The following NXPE2 variants were observed in gnomAD, a reference collection of about 807,000 sequenced individuals.
NXPE2 encodes the protein NXPE family member 2.
NXPE2 carries 34 observed loss-of-function variants against 34.4 expected under a neutral mutation model. The observed-to-expected ratio is 0.99, with a 90% CI of 0.75 to 1.31. The LOEUF is 1.31. Among genes scored for constraint, NXPE2 ranks in the 40% most tolerant of loss-of-function variants. The pLI is 0.00. For missense variants in NXPE2, 649 were observed against 672.5 expected, an observed-to-expected ratio of 0.97 and a Z score of 0.39; for synonymous variants, 235 against 231.3, an observed-to-expected ratio of 1.02 and a Z score of -0.15.
chr11:114,705,890 C>T lies in NXPE2; in HGVS notation c.1038C>T (p.Phe346=), dbSNP rs1245130324. 1 of 1,540,560 alleles carries T rather than the reference C, an allele frequency of 6.5e-7. No individual in the cohort carries two copies. Among genetic ancestry groups the T allele is most frequent in the African/African-American group, 1.4e-5 (1 of 72,508 alleles). ...CAGCATTTTGTAAACAGATCAAGTT[C>T]AATGAAACAAAAAATATAAATGACT... is the stretch of plus-strand genomic sequence containing the variant. The part of the protein sequence containing the change: ...WITAFCKQIK[F]NETKNINDCL... Residue 346 remains phenylalanine, a synonymous_variant, in exon 5 of 6, where the codon TTC becomes TTT. Coordinates refer to ENST00000389586, the MANE Select transcript of NXPE2 (RefSeq NM_182495.6).
chr11:114,669,587 C>A, the NXPE2 span, among the ~76,000 whole-genome samples: 12 of 152,046 alleles, frequency 7.9e-5, no homozygotes, highest in Non-Finnish European at 1.6e-4. Flanking sequence ...CTGAGAATAC[C>A]AAGCTCCAAT....
At chr11:114,627,164 G>C in the NXPE2 span, among the ~76,000 whole-genome samples, 5 of 152,018 alleles carry the variant, frequency 3.3e-5, no homozygotes, top group Non-Finnish European at 7.4e-5. Flanking sequence ...AGGAAATACA[G>C]AGAACGCCAC....
the NXPE2 span, among the ~76,000 whole-genome samples, chr11:114,495,055 C>T: frequency 3.9e-3 from 588 of 152,272 alleles, 9 homozygotes; most frequent in African/African-American, 0.013. Flanking sequence ...TTACTTTCAC[C>T]CAAGCGAACA....
chr11:114,630,127 C>T, the NXPE2 span, among the ~76,000 whole-genome samples: 4 of 151,724 alleles, frequency 2.6e-5, no homozygotes, highest in Non-Finnish European at 5.9e-5. Context: ...ATGCTGTACC[C>T]ATCAAGCTAC....
the NXPE2 span, among the ~76,000 whole-genome samples, chr11:114,578,494 G>T: frequency 1.3e-5 from 2 of 152,134 alleles, no homozygotes; most frequent in African/African-American, 4.8e-5. Context: ...GGTTTCCCTA[G>T]GAGTTTAGTC....
chr11:114,588,478 G>A, the NXPE2 span, among the ~76,000 whole-genome samples: 1 of 152,148 alleles, frequency 6.6e-6, no homozygotes, highest in African/African-American at 2.4e-5. Context: ...TGAAAAACAG[G>A]CAGCTCTGCA....
the NXPE2 span, among the ~76,000 whole-genome samples, chr11:114,738,993 T>A: frequency 6.6e-6 from 1 of 152,190 alleles, no homozygotes; most frequent in East Asian, 1.9e-4. Flanking sequence ...GACACAAGAA[T>A]GACAATGCAG....
the NXPE2 span, among the ~76,000 whole-genome samples, chr11:114,718,301 TTAAAG>T: frequency 6.6e-6 from 1 of 152,138 alleles, no homozygotes; most frequent in East Asian, 1.9e-4. Flanking sequence ...TAGAGTGGAG[TTAAAG>T]TACTTAGTGA....
chr11:114,798,967 C>T, the NXPE2 span, among the ~76,000 whole-genome samples: 3 of 152,194 alleles, frequency 2.0e-5, no homozygotes, highest in African/African-American at 4.8e-5. Flanking sequence ...GTATAGCAGG[C>T]GTGGACTCCT....
chr11:114,733,924 A>G, the NXPE2 span, among the ~76,000 whole-genome samples: 2 of 152,302 alleles, frequency 1.3e-5, no homozygotes, highest in South Asian at 4.1e-4. Flanking sequence ...GGACTCCTTC[A>G]TGATCACTGG....
At chr11:114,618,645 T>A in the NXPE2 span, among the ~76,000 whole-genome samples, 1 of 150,860 alleles carries the variant, frequency 6.6e-6, no homozygotes, top group African/African-American at 2.4e-5. Flanking sequence ...GTTCCCCGGT[T>A]TATAATAAGT....
rs74636310 is a variant in NXPE2 at position 114,690,708 on chromosome 11, C to A, written c.133-7337C>A. Among the ~76,000 whole-genome samples, 1,321 of 152,202 alleles carry A rather than the reference C, an allele frequency of 8.7e-3. 19 individuals carry two copies. Among genetic ancestry groups the A allele is most frequent in the African/African-American group, 0.03 (1,266 of 41,534 alleles). ...TTCCAAGTTGCTTACTCTCCCTTCTCGCTCAAAAATGCCAGTGAGTCATAG... is the reference window on the plus strand; with the variant it reads ...TTCCAAGTTGCTTACTCTCCCTTCTAGCTCAAAAATGCCAGTGAGTCATAG... On this transcript the variant is annotated intron_variant, in intron 2 of 5. Transcript: ENST00000389586.
chr11:114,720,772 A>C, the NXPE2 span, among the ~76,000 whole-genome samples: 6 of 152,310 alleles, frequency 3.9e-5, no homozygotes, highest in African/African-American at 1.4e-4. Context: ...TTTACTGGGA[A>C]ATTTCAAATT....
chr11:114,720,725 T>A, the NXPE2 span, among the ~76,000 whole-genome samples: 412 of 152,344 alleles, frequency 2.7e-3, 1 homozygote, highest in African/African-American at 9.5e-3. Context: ...AAATATGTTA[T>A]CAAAATTAAT....
chr11:114,736,971 C>T, the NXPE2 span, among the ~76,000 whole-genome samples: 19 of 152,294 alleles, frequency 1.2e-4, no homozygotes, highest in African/African-American at 3.6e-4. Context: ...TCTCCTCTCT[C>T]TCTGGAAGTG....
chr11:114,524,629 C>G, the NXPE2 span, among the ~76,000 whole-genome samples: 2 of 151,996 alleles, frequency 1.3e-5, no homozygotes, highest in South Asian at 2.1e-4. Flanking sequence ...ATACCATGAC[C>G]CTGGAAACTT....
At chr11:114,521,082 G>A in the NXPE2 span, among the ~76,000 whole-genome samples, 1 of 152,096 alleles carries the variant, frequency 6.6e-6, no homozygotes, top group Non-Finnish European at 1.5e-5. Context: ...TCCTAATTCT[G>A]TCGTTCTTTC....
In NXPE2 at chr11:114,698,530, A is replaced by C; in HGVS notation, c.618A>C (p.Ala206=). 1 of 1,614,128 alleles carries C rather than the reference A, an allele frequency of 6.2e-7. No individual in the cohort carries two copies. Among genetic ancestry groups the C allele is most frequent in the Non-Finnish European group, 8.5e-7 (1 of 1,179,978 alleles). ...PSEGVSALWR[A]RNQGCDRIIF... is the part of the protein sequence containing the mutation. ...AAGGGGTATCAGCTCTCTGGAGGGCAAGGAACCAAGGATGTGATAGGATCA... is the reference window on the plus strand; with the variant it reads ...AAGGGGTATCAGCTCTCTGGAGGGCCAGGAACCAAGGATGTGATAGGATCA... The change falls in exon 3 of 6, where the codon GCA becomes GCC. Residue 206 remains alanine, a synonymous_variant. Coordinates refer to ENST00000389586, the MANE Select transcript of NXPE2 (RefSeq NM_182495.6).
At chr11:114,770,989 A>G in the NXPE2 span, among the ~76,000 whole-genome samples, 13 of 152,284 alleles carry the variant, frequency 8.5e-5, no homozygotes, top group African/African-American at 3.1e-4. Context: ...TCCATATTAC[A>G]TATGTTTATT....
Sources: allele counts gnomAD v4.1 joint callset (sites outside exome capture counted in the v4.1 genomes callset), GRCh38; gene constraint gnomAD v4.1.1; transcripts MANE v1.5; gene names NCBI Gene and HGNC (gene_info 2026-07-23, HGNC 2026-07-21).